Variants in EFNB3 observed in about 807,000 individuals in gnomAD.
EFNB3 encodes the protein ephrin-B3.
EFNB3 carries 14 observed loss-of-function variants against 29.8 expected under a neutral mutation model. The observed-to-expected ratio is 0.47, with a 90% CI of 0.31 to 0.73. The LOEUF is 0.73. Among genes scored for constraint, EFNB3 ranks in the 30% least tolerant of loss-of-function variants. The probability of loss-of-function intolerance (pLI) is 0.05; values close to 1 mark genes in which losing one functional copy is unlikely to be tolerated. For synonymous variants in EFNB3, 216 were observed against 191.6 expected, an observed-to-expected ratio of 1.13 and a Z score of -1.05; for missense variants, 408 against 458.0, an observed-to-expected ratio of 0.89 and a Z score of 1.00.
At chr17:7,707,609 C>G (rs2074331693) in intron 1 of EFNB3, among the ~76,000 whole-genome samples, 1 of 152,112 alleles carries the variant, frequency 6.6e-6, no homozygotes, top group South Asian at 2.1e-4. Flanking sequence ...CTGTGTGGTT[C>G]CAGAGAGGCC....
intron 1 of EFNB3, 52 bp from the exon 2 acceptor site, chr17:7,707,906 G>A: frequency 6.5e-7 from 1 of 1,539,014 alleles, no homozygotes; most frequent in Non-Finnish European, 8.7e-7. Flanking sequence ...AAAGTTCTGG[G>A]GGCCAGGCCT....
Position 7,708,415 on chromosome 17 carries a change from C to T in EFNB3, c.416-20C>T. ...TAGATTCTGGAGTGCCAACCTCTTCCTCTGGCTTTTCTCTCCCAGCCACAT... is the reference window on the plus strand; with the variant it reads ...TAGATTCTGGAGTGCCAACCTCTTCTTCTGGCTTTTCTCTCCCAGCCACAT... On this transcript the variant is annotated intron_variant, in intron 2 of 4. Coordinates refer to ENST00000226091, the MANE Select transcript of EFNB3 (RefSeq NM_001406.4). This position sits in a 1 kb window ranked among gnomAD's most constrained non-coding sequence, Gnocchi z 6.8. The T allele has an allele frequency of 6.2e-7, 1 of 1,607,974 alleles. No individual in the cohort carries two copies. The highest frequency in any genetic ancestry group is 8.5e-7 in the Non-Finnish European group (1 of 1,177,156).
rs1350498391 is a variant in EFNB3, at chr17:7,709,062, C to T, written c.614-105C>T. On this transcript the variant is annotated intron_variant, in intron 4 of 4. Transcript: ENST00000226091. The surrounding 1 kb of genome is among the most constrained non-coding windows in gnomAD (Gnocchi z 4.5). The stretch of plus-strand genomic sequence containing the variant: ...AGATGGGGTCCCCAAGGGGCCTGGG[C>T]GCTACAAGGGAAGCCCATGGGGACC... 29 of 1,165,474 alleles carry T rather than the reference C, an allele frequency of 2.5e-5. No homozygotes were observed. The highest frequency in any genetic ancestry group is 4.4e-5 in the Admixed American group (2 of 44,962). The allele number at this position is 1,165,474 out of a possible 1,614,324, so 72.2% of individuals were successfully genotyped here. A position where few individuals can be genotyped will look rare whatever the true frequency, so the allele number is the denominator to read the frequency against.
Position 7,708,316 on chromosome 17 carries a change from C to G in EFNB3, c.415+66C>G, listed in dbSNP as rs1252705356. 1 of 1,584,376 alleles carries G rather than the reference C, an allele frequency of 6.3e-7. No homozygotes were observed. Among genetic ancestry groups the G allele is most frequent in the Admixed American group, 1.7e-5 (1 of 58,446 alleles). ...GATACTGAGCAGAGAGGGAGGGGGA[C>G]CCCTGCAGCCAAGAGGGAGATCCCA... On this transcript the variant is annotated intron_variant, in intron 2 of 4. Transcript: ENST00000226091. The surrounding 1 kb of genome is among the most constrained non-coding windows in gnomAD (Gnocchi z 6.8).
In EFNB3 at chr17:7,705,801, G is replaced by C. The variant is rs2074325846; in HGVS notation, c.122+81G>C. On this transcript the variant is annotated intron_variant, in intron 1 of 4. Transcript: ENST00000226091. This position sits in a 1 kb window ranked among gnomAD's most constrained non-coding sequence, Gnocchi z 5.4. The stretch of plus-strand genomic sequence containing the variant: ...TCTGGGGGCTTGGAGGCGGGCTTCT[G>C]TGGGCAGGGAGGAGGCGGGAGGGAA... The C allele has an allele frequency of 6.7e-7, 1 of 1,490,692 alleles. No individual in the cohort carries two copies. The highest frequency in any genetic ancestry group is 1.5e-5 in the African/African-American group (1 of 67,744). 92.3% of individuals were successfully genotyped at this position (1,490,692 alleles called of 1,614,324 possible).
Position 7,708,883 on chromosome 17 carries a change from G to A in EFNB3, c.613+144G>A, listed in dbSNP as rs1597427259. On this transcript the variant is annotated intron_variant, in intron 4 of 4. Coordinates refer to ENST00000226091, the MANE Select transcript of EFNB3 (RefSeq NM_001406.4). The surrounding 1 kb of genome is among the most constrained non-coding windows in gnomAD (Gnocchi z 6.8). ...AGAAGAGAGGATGGGAGGGTGGGAGGGGAATGGAAACCAAATGAGGAAAAG... is the reference window on the plus strand; with the variant it reads ...AGAAGAGAGGATGGGAGGGTGGGAGAGGAATGGAAACCAAATGAGGAAAAG... The A allele has an allele frequency of 5.4e-6, 4 of 736,362 alleles. No individual in the cohort carries two copies. The East Asian group carries it at 1.1e-4, about 20-fold the overall frequency. 45.6% of individuals were successfully genotyped at this position (736,362 alleles called of 1,614,324 possible). A position where few individuals can be genotyped will look rare whatever the true frequency, so the allele number is the denominator to read the frequency against.
intron 1 of EFNB3, among the ~76,000 whole-genome samples, chr17:7,707,680 T>C (rs2074332021): frequency 6.6e-6 from 1 of 152,060 alleles, no homozygotes; most frequent in Non-Finnish European, 1.5e-5. Context: ...GAGCGGGAGA[T>C]GGCGGTGTGC....
chr17:7,705,432 T>C lies in EFNB3; in HGVS notation c.-167T>C. On this transcript the variant is annotated 5_prime_UTR_variant, in exon 1 of 5. Transcript: ENST00000226091. This position sits in a 1 kb window ranked among gnomAD's most constrained non-coding sequence, Gnocchi z 5.4. ...GAAGGGCTCTGGTGGGGCTGAGCGC[T>C]CTGCCGCGGGGGCGCGGGCACAGCA... The C allele has an allele frequency of 2.0e-6, 1 of 491,338 alleles. No homozygotes were observed. Among genetic ancestry groups the C allele is most frequent in the South Asian group, 3.1e-5 (1 of 32,392 alleles). 30.4% of individuals were successfully genotyped at this position (491,338 alleles called of 1,614,324 possible). A position where few individuals can be genotyped will look rare whatever the true frequency, so the allele number is the denominator to read the frequency against.
At position 7,705,737 on chromosome 17, in the gene EFNB3, TG is replaced by T; in HGVS notation, c.122+21del. On this transcript the variant is annotated intron_variant, in intron 1 of 4. Coordinates refer to ENST00000226091, the MANE Select transcript of EFNB3 (RefSeq NM_001406.4). This position sits in a 1 kb window ranked among gnomAD's most constrained non-coding sequence, Gnocchi z 5.4. ...GAATAAGAGGTGAGTGGCCTGCGGCTGGGGAGATCCCAGACCCTAGGGCAGT... is the reference window on the plus strand; with the variant it reads ...GAATAAGAGGTGAGTGGCCTGCGGCTGGGAGATCCCAGACCCTAGGGCAGT... The T allele has an allele frequency of 6.4e-7, 1 of 1,556,636 alleles. No individual in the cohort carries two copies.
chr17:7,708,156 A>G lies in EFNB3; in HGVS notation c.321A>G (p.Pro107=), dbSNP rs1056353798. 6.2e-7 allele frequency: 1 copy of G among 1,613,994 alleles called. No homozygotes were observed. The highest frequency in any genetic ancestry group is 8.5e-7 in the Non-Finnish European group (1 of 1,180,036). The change falls in exon 2 of 5, where the codon CCA becomes CCG. Residue 107 remains proline (P), a synonymous_variant. Transcript: ENST00000226091. This position sits in a 1 kb window ranked among gnomAD's most constrained non-coding sequence, Gnocchi z 6.8. Reference sequence around the variant, plus strand: ...ACCTCCTTCTCACTTGTGATCGCCCAGACCTGGATCTCCGCTTCACCATCA... The same window carrying G: ...ACCTCCTTCTCACTTGTGATCGCCCGGACCTGGATCTCCGCTTCACCATCA... ...APNLLLTCDR[P]DLDLRFTIKF...
In EFNB3 at chr17:7,708,693, C is replaced by T; in HGVS notation, c.567C>T (p.Asp189=). The change falls in exon 4 of 5, where the codon GAC becomes GAT. Residue 189 remains aspartate (D), a synonymous_variant. Coordinates refer to ENST00000226091, the MANE Select transcript of EFNB3 (RefSeq NM_001406.4). This position sits in a 1 kb window ranked among gnomAD's most constrained non-coding sequence, Gnocchi z 6.8. ...TGTCTGAAATGCCCATGGAAAGAGACCGAGGGGCAGCCCACAGCCTGGAGC... is the reference window on the plus strand; with the variant it reads ...TGTCTGAAATGCCCATGGAAAGAGATCGAGGGGCAGCCCACAGCCTGGAGC... ...KPVSEMPMER[D]RGAAHSLEPG... is the part of the protein sequence containing the mutation. 1 of 1,578,842 alleles carries T rather than the reference C, an allele frequency of 6.3e-7. No homozygotes were observed. Among genetic ancestry groups the T allele is most frequent in the Non-Finnish European group, 8.6e-7 (1 of 1,161,648 alleles).
At chr17:7,707,684 G>A (rs930207427) in intron 1 of EFNB3, among the ~76,000 whole-genome samples, 1 of 152,116 alleles carries the variant, frequency 6.6e-6, no homozygotes, top group Non-Finnish European at 1.5e-5. Flanking sequence ...GGGAGATGGC[G>A]GTGTGCATGT....
Position 7,705,750 on chromosome 17 carries a change from G to T in EFNB3, c.122+30G>T. The T allele has an allele frequency of 1.3e-6, 2 of 1,548,270 alleles. No homozygotes were observed. The highest frequency in any genetic ancestry group is 1.2e-5 in the South Asian group (1 of 82,580). On this transcript the variant is annotated intron_variant, in intron 1 of 4. Coordinates refer to ENST00000226091, the MANE Select transcript of EFNB3 (RefSeq NM_001406.4). This position sits in a 1 kb window ranked among gnomAD's most constrained non-coding sequence, Gnocchi z 5.4. ...GTGGCCTGCGGCTGGGGAGATCCCA[G>T]ACCCTAGGGCAGTGGGTAGGGAAGC...
rs2074344926 is a variant in EFNB3, at chr17:7,710,189, A to T, written c.*613A>T. Reference sequence around the variant, plus strand: ...GCCAAAAATGGGGGCCTTATGGGGAAGGCTCTGACACTCCACCCCAGCTCA... The same window carrying T: ...GCCAAAAATGGGGGCCTTATGGGGATGGCTCTGACACTCCACCCCAGCTCA... On this transcript the variant is annotated 3_prime_UTR_variant, in exon 5 of 5. Coordinates refer to ENST00000226091, the MANE Select transcript of EFNB3 (RefSeq NM_001406.4). 1 of 168,094 alleles carries T rather than the reference A, an allele frequency of 5.9e-6. No homozygotes were observed. The highest frequency in any genetic ancestry group is 1.3e-5 in the Non-Finnish European group (1 of 79,736). 10.4% of individuals were successfully genotyped at this position (168,094 alleles called of 1,614,324 possible).
intron 1 of EFNB3, among the ~76,000 whole-genome samples, chr17:7,707,266 C>A (rs1189807406): frequency 6.6e-6 from 1 of 152,178 alleles, no homozygotes; most frequent in African/African-American, 2.4e-5. Context: ...GAAAAGTCAA[C>A]TCCTTTCCTT....
At position 7,709,407 on chromosome 17, in the gene EFNB3, C is replaced by T. The variant is rs986670835; in HGVS notation, c.854C>T (p.Pro285Leu). Residue 285 changes from proline (P) to leucine (L), a missense_variant, in exon 5 of 5, where the codon CCT becomes CTT. Physicochemically the swap from Pro to Leu is moderately conservative, Grantham distance 98. Coordinates refer to ENST00000226091, the MANE Select transcript of EFNB3 (RefSeq NM_001406.4). This position sits in a 1 kb window ranked among gnomAD's most constrained non-coding sequence, Gnocchi z 4.5. Reference sequence around the variant, plus strand: ...CTGGGGGGTGGAGGTGGGATGGGACCTCGGGAGGCTGAGCCTGGGGAGCTA... The same window carrying T: ...CTGGGGGGTGGAGGTGGGATGGGACTTCGGGAGGCTGAGCCTGGGGAGCTA... The part of the protein sequence containing the change: ...LGLGGGGGMG[P>L]REAEPGELGI... 6.2e-7 allele frequency: 1 copy of T among 1,606,524 alleles called. No homozygotes were observed. The highest frequency in any genetic ancestry group is 1.3e-5 in the African/African-American group (1 of 74,730).
Position 7,709,992 on chromosome 17 carries a change from C to G in EFNB3, c.*416C>G, listed in dbSNP as rs992717832. 8 of 292,016 alleles carry G rather than the reference C, an allele frequency of 2.7e-5. No homozygotes were observed. The highest frequency in any genetic ancestry group is 1.2e-4 in the African/African-American group (5 of 43,072). 18.1% of individuals were successfully genotyped at this position (292,016 alleles called of 1,614,324 possible). On this transcript the variant is annotated 3_prime_UTR_variant, in exon 5 of 5. Transcript: ENST00000226091. The surrounding 1 kb of genome is among the most constrained non-coding windows in gnomAD (Gnocchi z 4.5). ...TATCTCTTATTCTTTCCCTCTCTTC[C>G]GTCTCTAGGTCTGTTCTTCTTCCCT...
Position 7,708,792 on chromosome 17 carries a change from C to G in EFNB3, c.613+53C>G. The G allele has an allele frequency of 1.4e-6, 2 of 1,448,130 alleles. No homozygotes were observed. Among genetic ancestry groups the G allele is most frequent in the Non-Finnish European group, 1.8e-6 (2 of 1,084,684 alleles). The allele number at this position is 1,448,130 out of a possible 1,614,324, so 89.7% of individuals were successfully genotyped here. A position where few individuals can be genotyped will look rare whatever the true frequency, so the allele number is the denominator to read the frequency against. On this transcript the variant is annotated intron_variant, in intron 4 of 4. Coordinates refer to ENST00000226091, the MANE Select transcript of EFNB3 (RefSeq NM_001406.4). The surrounding 1 kb of genome is among the most constrained non-coding windows in gnomAD (Gnocchi z 6.8). Reference sequence around the variant, plus strand: ...TTCCCCAGCTTCCTCTGCTCTCAGACCCCAGCTGCCCTGCCGTCACCCTCC... The same window carrying G: ...TTCCCCAGCTTCCTCTGCTCTCAGAGCCCAGCTGCCCTGCCGTCACCCTCC...
Position 7,709,543 on chromosome 17 carries a change from C to G in EFNB3, c.990C>G (p.Pro330=), listed in dbSNP as rs17854241. 1.2e-5 allele frequency: 20 copies of G among 1,613,810 alleles called. No homozygotes were observed. Among genetic ancestry groups the G allele is most frequent in the Non-Finnish European group, 1.6e-5 (19 of 1,179,946 alleles). The part of the protein sequence containing the change: ...HPVYIVQDGP[P]QSPPNIYYKV ...TGTATATCGTGCAGGATGGGCCCCC[C>G]CAGAGCCCTCCAAACATCTACTACA... Residue 330 remains proline (P), a synonymous_variant, in exon 5 of 5, where the codon CCC becomes CCG. Transcript: ENST00000226091. The surrounding 1 kb of genome is among the most constrained non-coding windows in gnomAD (Gnocchi z 4.5).
Sources: allele counts gnomAD v4.1 joint callset (sites outside exome capture counted in the v4.1 genomes callset), GRCh38; gene constraint gnomAD v4.1.1; non-coding constraint Gnocchi (gnomAD v3.1); transcripts MANE v1.5; gene names NCBI Gene and HGNC (gene_info 2026-07-23, HGNC 2026-07-21).